LONP2: variants seen among roughly 807,000 people sequenced by gnomAD.
The protein encoded by LONP2 is lon protease homolog 2, peroxisomal.
LONP2 carries 60 observed loss-of-function variants against 85.6 expected under a neutral mutation model. The ratio of observed to expected loss-of-function variants is 0.70; its 90% CI spans 0.57 to 0.87. The LOEUF (loss-of-function observed/expected upper bound fraction) is 0.87. Ranked by LOEUF, LONP2 falls within the 40% of genes least tolerant of loss-of-function variation. The pLI is 0.00. For missense variants in LONP2, 860 were observed against 1,063.5 expected (o/e 0.81, Z 2.66); for synonymous variants, 395 against 389.7 (o/e 1.01, Z -0.16).
In LONP2 at chr16:48,356,619, G is replaced by T; in HGVS notation, c.*4817G>T. On this transcript the variant is annotated 3_prime_UTR_variant, in exon 15 of 15. Transcript: ENST00000285737. ...TTTGTTTGTTTTACAAACATTTGGT[G>T]GATACCACAATGAAAACTGCACTTA... 1 of 313,936 alleles carries T rather than the reference G, an allele frequency of 3.2e-6. No individual in the cohort carries two copies. The highest frequency in any genetic ancestry group is 6.4e-6 in the Non-Finnish European group (1 of 155,244). The allele number at this position is 313,936 out of a possible 1,614,324, so 19.4% of individuals were successfully genotyped here.
chr16:48,252,338 A>G lies in LONP2; in HGVS notation c.441A>G (p.Ser147=), dbSNP rs770551164. The change falls in exon 2 of 15, where the codon TCA becomes TCG. Residue 147 remains serine, a synonymous_variant. Transcript: ENST00000285737. ...CKMREELGEL[S]EQFYKYAVQL... Reference sequence around the variant, plus strand: ...TGAGGGAGGAGCTAGGAGAACTATCAGAGCAGTTTTACAAATATGCAGTAC... The same window carrying G: ...TGAGGGAGGAGCTAGGAGAACTATCGGAGCAGTTTTACAAATATGCAGTAC... 2.7e-5 allele frequency: 43 copies of G among 1,609,468 alleles called. No individual in the cohort carries two copies. Among genetic ancestry groups the G allele is most frequent in the South Asian group, 5.5e-5 (5 of 90,262 alleles).
rs140393310 is a variant in LONP2, at chr16:48,276,997, G to A, written c.1242-341G>A. ...GCTCAGAAAAATCATGGAAAGCATG[G>A]GAATTCATAGGGTACTTTGGACATT... On this transcript the variant is annotated intron_variant, in intron 7 of 14. Coordinates refer to ENST00000285737, the MANE Select transcript of LONP2 (RefSeq NM_031490.5). Among the ~76,000 whole-genome samples, 10 of 152,216 alleles carry A rather than the reference G, an allele frequency of 6.6e-5. No individual in the cohort carries two copies. In the East Asian group the frequency reaches 1.7e-3, roughly 26 times the overall value.
intron 8 of LONP2, among the ~76,000 whole-genome samples, chr16:48,291,967 A>G (rs1455711589): frequency 2.0e-5 from 3 of 152,206 alleles, no homozygotes; most frequent in Non-Finnish European, 4.4e-5. Flanking sequence ...TGAGGGCTTC[A>G]GTATTTAAAG....
intron 12 of LONP2, chr16:48,346,113 A>T (rs1465712438): frequency 6.6e-6 from 1 of 151,968 alleles, no homozygotes; most frequent in Admixed American, 6.6e-5. Context: ...ATAATTTTGG[A>T]ATAATTTTTA....
In LONP2 at chr16:48,353,985, TTTTGG is replaced by T. The variant is rs951054274; in HGVS notation, c.*2188_*2192del. On this transcript the variant is annotated 3_prime_UTR_variant, in exon 15 of 15. Transcript: ENST00000285737. ...AGTATGACCATTGCACTAGCTTTGT[TTTTGG>T]TTTGTTTTGTTTTTTTTTTAATTCC... The T allele has an allele frequency of 4.0e-5, 6 of 150,060 alleles. No homozygotes were observed. The highest frequency in any genetic ancestry group is 1.3e-4 in the Admixed American group (2 of 15,046). The allele number at this position is 150,060 out of a possible 1,614,324, so 9.3% of individuals were successfully genotyped here.
At chr16:48,327,705 G>A (rs745731896) in intron 11 of LONP2, among the ~76,000 whole-genome samples, 4 of 152,124 alleles carry the variant, frequency 2.6e-5, no homozygotes, top group African/African-American at 4.8e-5. Flanking sequence ...TGATCTGCCC[G>A]CCTCAGCCTC....
chr16:48,247,788 A>G (rs1971492808), intron 1 of LONP2, among the ~76,000 whole-genome samples: 3 of 152,192 alleles, frequency 2.0e-5, no homozygotes, highest in South Asian at 4.1e-4. Context: ...TACACTTTTC[A>G]GGGTACATGG....
chr16:48,268,336 A>G (rs1401381753), intron 6 of LONP2, among the ~76,000 whole-genome samples: 2 of 152,168 alleles, frequency 1.3e-5, no homozygotes, highest in Non-Finnish European at 2.9e-5. Context: ...TTTCTAAATT[A>G]TCTTGACTTT....
intron 8 of LONP2, among the ~76,000 whole-genome samples, chr16:48,278,614 C>T (rs375873484): frequency 2.6e-5 from 4 of 152,154 alleles, no homozygotes; most frequent in African/African-American, 9.7e-5. Flanking sequence ...TTCACTTTCC[C>T]ATTTCCAGTG....
chr16:48,292,524 G>A (rs1457057127), intron 8 of LONP2, among the ~76,000 whole-genome samples: 1 of 152,144 alleles, frequency 6.6e-6, no homozygotes, highest in Non-Finnish European at 1.5e-5. Context: ...AGGAAGGCAG[G>A]CAAATTGGGC....
rs551882031 is a variant in LONP2, at chr16:48,327,057, A to G, written c.1796-7159A>G. On this transcript the variant is annotated intron_variant, in intron 11 of 14. Coordinates refer to ENST00000285737, the MANE Select transcript of LONP2 (RefSeq NM_031490.5). ...TTAGCCCCCTTCGGGGGTACACCGC[A>G]TTTCACTCTCACTTGGCTCACAGCC... Among the ~76,000 whole-genome samples the G allele has an allele frequency of 3.9e-5, 6 of 152,204 alleles. No homozygotes were observed. In the East Asian group the frequency reaches 1.2e-3, roughly 29 times the overall value.
intron 3 of LONP2, 119 bp from the exon 4 acceptor site, chr16:48,258,499 C>A: frequency 2.1e-6 from 2 of 969,124 alleles, no homozygotes; most frequent in Non-Finnish European, 2.9e-6. Flanking sequence ...CATAGTGTAG[C>A]TTTGAATACT....
chr16:48,321,662 T>G (rs1442417958), intron 11 of LONP2, among the ~76,000 whole-genome samples: 1 of 152,202 alleles, frequency 6.6e-6, no homozygotes, highest in East Asian at 1.9e-4. Context: ...GGCTATAAAC[T>G]TCTACAGCAT....
Position 48,252,152 on chromosome 16 carries a change from C to T in LONP2, c.255C>T (p.Ala85=), listed in dbSNP as rs754763730. 14 of 1,596,790 alleles carry T rather than the reference C, an allele frequency of 8.8e-6. No homozygotes were observed. Among genetic ancestry groups the T allele is most frequent in the Admixed American group, 5.1e-5 (3 of 58,812 alleles). Residue 85 remains alanine, a synonymous_variant, in exon 2 of 15, where the codon GCC becomes GCT. Coordinates refer to ENST00000285737, the MANE Select transcript of LONP2 (RefSeq NM_031490.5). ...PLHRIGTAAL[A]VQVVGSNWPK... ...TCAGGATTGGCACAGCTGCACTGGC[C>T]GTTCAGGTTGTGGGCAGTAACTGGC...
chr16:48,299,777 C>T lies in LONP2; in HGVS notation c.1650C>T (p.Asp550=). The change falls in exon 10 of 15, where the codon GAC becomes GAT. Residue 550 remains aspartate (D), a synonymous_variant. Coordinates refer to ENST00000285737, the MANE Select transcript of LONP2 (RefSeq NM_031490.5). ...QIQIPQVTTL[D]IITRYTREAG... is the part of the protein sequence containing the mutation. Reference sequence around the variant, plus strand: ...AGATACCCCAGGTCACCACTCTTGACATCATCACCAGGTTAGTTAGCCATC... The same window carrying T: ...AGATACCCCAGGTCACCACTCTTGATATCATCACCAGGTTAGTTAGCCATC... 1 of 1,610,674 alleles carries T rather than the reference C, an allele frequency of 6.2e-7. No individual in the cohort carries two copies. The highest frequency in any genetic ancestry group is 2.2e-5 in the East Asian group (1 of 44,828).
chr16:48,304,742 T>C (rs903161040), intron 11 of LONP2, among the ~76,000 whole-genome samples: 4 of 152,110 alleles, frequency 2.6e-5, no homozygotes, highest in Non-Finnish European at 4.4e-5. Flanking sequence ...ATGTTTTAAT[T>C]TCTTGCCCCA....
intron 11 of LONP2, among the ~76,000 whole-genome samples, chr16:48,333,682 AAGAG>A (rs1226126441): frequency 6.1e-5 from 9 of 146,470 alleles, no homozygotes; most frequent in East Asian, 4.2e-4. Flanking sequence ...GAGAGAGAGA[AAGAG>A]AGAGAGAGAG....
chr16:48,338,797 AC>A (rs1216752422), intron 12 of LONP2, among the ~76,000 whole-genome samples: 1 of 152,064 alleles, frequency 6.6e-6, no homozygotes, highest in Non-Finnish European at 1.5e-5. Context: ...AGTCACAACT[AC>A]TTGGGAGGCT....
At chr16:48,268,407 T>TATACAAGTACC (rs1446500975) in intron 6 of LONP2, among the ~76,000 whole-genome samples, 1 of 152,096 alleles carries the variant, frequency 6.6e-6, no homozygotes, top group African/African-American at 2.4e-5. Flanking sequence ...CAAGTACCTT[T>TATACAAGTACC]TTAGGTACAA....
Sources: gnomAD v4.1 joint callset for allele counts (sites outside exome capture counted in the v4.1 genomes callset) on GRCh38, gnomAD v4.1.1 for gene constraint, MANE v1.5 for transcripts, NCBI Gene and HGNC (gene_info 2026-07-23, HGNC 2026-07-21) for gene names.